Variants in CACNG8 observed in about 807,000 individuals in gnomAD.
CACNG8 encodes the protein calcium voltage-gated channel auxiliary subunit gamma 8, also known as voltage-dependent calcium channel gamma-8 subunit.
A neutral mutation model predicts 26.9 loss-of-function variants in CACNG8; 5 were observed. The observed-to-expected ratio is 0.19, with a 90% CI of 0.10 to 0.39. CACNG8 has a LOEUF of 0.39. Ranked by LOEUF, CACNG8 falls within the 10% of genes least tolerant of loss-of-function variation. CACNG8 has a pLI of 1.00. For missense variants in CACNG8, 473 were observed against 609.4 expected, an observed-to-expected ratio of 0.78 and a Z score of 2.36; for synonymous variants, 321 against 296.7, an observed-to-expected ratio of 1.08 and a Z score of -0.84.
chr19:53,970,486 G>A (rs969789749), intron 1 of CACNG8, among the ~76,000 whole-genome samples: 1 of 150,396 alleles, frequency 6.6e-6, no homozygotes, highest in African/African-American at 2.5e-5. Context: ...TTAGTCGGGC[G>A]TAGTTGTGGG....
At chr19:53,963,448 C>T in intron 1 of CACNG8, 23 bp downstream of exon 1, 8 of 1,426,948 alleles carry the variant, frequency 5.6e-6, no homozygotes, top group Non-Finnish European at 5.5e-6. Context: ...CGGCCCTCCC[C>T]GCAGCCCCCG....
intron 1 of CACNG8, among the ~76,000 whole-genome samples, chr19:53,965,972 T>C (rs954688143): frequency 2.8e-4 from 42 of 152,164 alleles, no homozygotes; most frequent in African/African-American, 9.9e-4. Context: ...ATCAAGCCAG[T>C]GTGAGGTCAG....
At chr19:53,974,432 C>G (rs2069319245) in intron 1 of CACNG8, among the ~76,000 whole-genome samples, 1 of 152,098 alleles carries the variant, frequency 6.6e-6, no homozygotes. Context: ...GTATGAATAT[C>G]TATTTGAGTG....
intron 1 of CACNG8, 146 bp from the exon 2 acceptor site, chr19:53,978,000 C>T: frequency 1.7e-6 from 1 of 604,748 alleles, no homozygotes. Context: ...TATCACGAGT[C>T]GGGCTCAGGA....
chr19:53,972,814 G>T (rs1028765063), intron 1 of CACNG8, among the ~76,000 whole-genome samples: 6 of 152,152 alleles, frequency 3.9e-5, no homozygotes, highest in Non-Finnish European at 8.8e-5. Flanking sequence ...TGTCCAGAGA[G>T]TTGGATTCCA....
At chr19:53,964,954 T>C (rs897975389) in intron 1 of CACNG8, among the ~76,000 whole-genome samples, 1 of 152,170 alleles carries the variant, frequency 6.6e-6, no homozygotes, top group Non-Finnish European at 1.5e-5. Flanking sequence ...TCCCCCTCTA[T>C]TTCCTCTGCC....
chr19:53,972,090 G>A (rs2069305908), intron 1 of CACNG8, among the ~76,000 whole-genome samples: 1 of 151,928 alleles, frequency 6.6e-6, no homozygotes, highest in Non-Finnish European at 1.5e-5. Context: ...CGCTGCCTGG[G>A]TTCAAGCAAT....
At chr19:53,976,115 C>T (rs569241096) in intron 1 of CACNG8, among the ~76,000 whole-genome samples, 11 of 152,326 alleles carry the variant, frequency 7.2e-5, no homozygotes, top group African/African-American at 2.4e-4. Context: ...GAGGCTGAGG[C>T]GGGCGGATCA....
chr19:53,982,380 A>ACCGCCGCCGCTC lies in CACNG8; in HGVS notation c.814_825dup (p.Arg272_Arg275dup). 1 of 1,526,812 alleles carries ACCGCCGCCGCTC rather than the reference A, an allele frequency of 6.5e-7. No individual in the cohort carries two copies. The highest frequency in any genetic ancestry group is 2.5e-5 in the East Asian group (1 of 39,582). 94.6% of individuals were successfully genotyped at this position (1,526,812 alleles called of 1,614,324 possible). The stretch of plus-strand genomic sequence containing the variant: ...CGTCTGCCCAGTTACCGCTTCCGCT[A>ACCGCCGCCGCTC]CCGCCGCCGCTCCCGCTCTAGCTCC... On this transcript the variant is annotated inframe_insertion, in exon 4 of 4. Transcript: ENST00000270458. The surrounding 1 kb of genome is among the most constrained non-coding windows in gnomAD (Gnocchi z 8.4).
chr19:53,980,071 TGTGTGTGTGTGTGTGCGCGCGCGCGC>T lies in CACNG8; in HGVS notation c.508+68_508+93del, dbSNP rs1402032215. The T allele has an allele frequency of 3.1e-5, 44 of 1,430,118 alleles. 1 individual carries two copies. The Middle Eastern group carries it at 7.8e-3, about 252-fold the overall frequency. The allele number at this position is 1,430,118 out of a possible 1,614,324, so 88.6% of individuals were successfully genotyped here. A position where few individuals can be genotyped will look rare whatever the true frequency, so the allele number is the denominator to read the frequency against. ...CTGGGCGCGCACGTGTGTGTGTGTG[TGTGTGTGTGTGTGTGCGCGCGCGCGC>T]GTGAGTGCAAGTGCGCGTTCGTGTG... On this transcript the variant is annotated intron_variant, in intron 3 of 3. Coordinates refer to ENST00000270458, the MANE Select transcript of CACNG8 (RefSeq NM_031895.6).
rs770855615 is a variant in CACNG8, at chr19:53,972,162, T to G, written c.284-5984T>G. 8.6e-5 allele frequency among the ~76,000 whole-genome samples: 13 copies of G among 151,818 alleles called. 1 individual carries two copies. The highest frequency in any genetic ancestry group is 2.2e-4 in the African/African-American group (9 of 41,274). On this transcript the variant is annotated intron_variant, in intron 1 of 3. Transcript: ENST00000270458. ...GGCACCCATCACCACGCTGGGCTAC[T>G]TTTTGTATTTTTCAGTAGAGACAGG...
chr19:53,964,256 C>G (rs1052781397), intron 1 of CACNG8, among the ~76,000 whole-genome samples: 1 of 151,626 alleles, frequency 6.6e-6, no homozygotes, highest in East Asian at 1.9e-4. Context: ...CCCCCTTTCA[C>G]GGCCCAGTCT....
At chr19:53,969,658 A>G (rs141228090) in intron 1 of CACNG8, among the ~76,000 whole-genome samples, 18 of 147,866 alleles carry the variant, frequency 1.2e-4, no homozygotes, top group African/African-American at 4.2e-4. Flanking sequence ...GGGTGTAGAA[A>G]CGGGGTCCCC....
At chr19:53,968,249 C>T (rs1300376617) in intron 1 of CACNG8, among the ~76,000 whole-genome samples, 1 of 151,818 alleles carries the variant, frequency 6.6e-6, no homozygotes, top group Non-Finnish European at 1.5e-5. Flanking sequence ...CTGGTGCGTG[C>T]CTGTGGTCCC....
At chr19:53,968,073 G>C (rs1043882164) in intron 1 of CACNG8, among the ~76,000 whole-genome samples, 7 of 151,830 alleles carry the variant, frequency 4.6e-5, no homozygotes, top group Non-Finnish European at 1.0e-4. Flanking sequence ...CAGATGGATG[G>C]AATCACTTAG....
chr19:53,978,302 C>T, intron 2 of CACNG8, 73 bp downstream of exon 2: 1 of 1,197,046 alleles, frequency 8.4e-7, no homozygotes. Flanking sequence ...GGGTGGGTGC[C>T]GGGAAAAGGC....
In CACNG8 at chr19:53,982,020, C is replaced by T. The variant is rs959272972; in HGVS notation, c.509-60C>T. 7 of 1,087,564 alleles carry T rather than the reference C, an allele frequency of 6.4e-6. No homozygotes were observed. In the African/African-American group the frequency reaches 1.9e-4, roughly 29 times the overall value. 67.4% of individuals were successfully genotyped at this position (1,087,564 alleles called of 1,614,324 possible). A position where few individuals can be genotyped will look rare whatever the true frequency, so the allele number is the denominator to read the frequency against. ...GGCGCAGGCGGGCAGGGGTCGGGGC[C>T]GGGGGCGGGGGCGGGGCCGGGGGTG... On this transcript the variant is annotated intron_variant, in intron 3 of 3. Coordinates refer to ENST00000270458, the MANE Select transcript of CACNG8 (RefSeq NM_031895.6). This position sits in a 1 kb window ranked among gnomAD's most constrained non-coding sequence, Gnocchi z 8.4.
intron 1 of CACNG8, among the ~76,000 whole-genome samples, chr19:53,970,176 C>T (rs1292598174): frequency 1.3e-5 from 2 of 152,156 alleles, no homozygotes; most frequent in Non-Finnish European, 2.9e-5. Flanking sequence ...ATTAGCCAGG[C>T]GCAGTGGCGG....
At chr19:53,977,317 T>C (rs2069335508) in intron 1 of CACNG8, among the ~76,000 whole-genome samples, 2 of 152,230 alleles carry the variant, frequency 1.3e-5, no homozygotes, top group Non-Finnish European at 2.9e-5. Flanking sequence ...TCTGCAGAAC[T>C]GGACAGAGCT....
Sources: gnomAD v4.1 joint callset for allele counts (sites outside exome capture counted in the v4.1 genomes callset) on GRCh38, gnomAD v4.1.1 for gene constraint, Gnocchi (gnomAD v3.1) non-coding constraint, MANE v1.5 for transcripts, NCBI Gene and HGNC (gene_info 2026-07-23, HGNC 2026-07-21) for gene names.